The following ADAMTS3 variants were observed in gnomAD, a reference collection of about 807,000 sequenced individuals.
ADAMTS3 encodes the protein A disintegrin and metalloproteinase with thrombospondin motifs 3.
ADAMTS3 carries 73 observed loss-of-function variants against 129.0 expected under a neutral mutation model. That is an observed-to-expected ratio of 0.57 (90% confidence interval 0.47 to 0.69). ADAMTS3 has a LOEUF of 0.69. ADAMTS3 is among the 30% of genes least tolerant of loss of function. The pLI is 0.00. For synonymous variants in ADAMTS3, 477 were observed against 510.8 expected (o/e 0.93, Z 0.89); for missense variants, 1,457 against 1,514.5 (o/e 0.96, Z 0.63).
rs1461006486 is a variant in ADAMTS3 at position 72,306,062 on chromosome 4, G to C, written c.2185C>G (p.Leu729Val). The stretch of plus-strand genomic sequence containing the variant: ...CCAGGGGGTATATCAAACATCTTAA[G>C]GTACCCTTTGCATGTGTAGTAAATA... ...FTRTPRKLGY[L>V]KMFDIPPGAR... Residue 729 changes from leucine (L) to valine (V), a missense_variant, in exon 16 of 22, where the codon CTT becomes GTT. Leu to Val is a conservative substitution (Grantham distance 32). Transcript: ENST00000286657. 2.5e-6 allele frequency: 4 copies of C among 1,600,796 alleles called. No homozygotes were observed. Among genetic ancestry groups the C allele is most frequent in the South Asian group, 2.2e-5 (2 of 88,946 alleles).
intron 3 of ADAMTS3, among the ~76,000 whole-genome samples, chr4:72,461,405 A>C (rs895071747): frequency 6.6e-6 from 1 of 151,702 alleles, no homozygotes; most frequent in Non-Finnish European, 1.5e-5. Flanking sequence ...AATGTGTCAA[A>C]CACCCTCCTT....
chr4:72,442,956 T>A (rs914798025), intron 3 of ADAMTS3, among the ~76,000 whole-genome samples: 1 of 151,734 alleles, frequency 6.6e-6, no homozygotes, highest in African/African-American at 2.4e-5. Context: ...ACTCCAAACC[T>A]CAGCTTTCCC....
In ADAMTS3 at chr4:72,312,441, G is replaced by C; in HGVS notation, c.1771C>G (p.Pro591Ala). Residue 591 changes from proline (P) to alanine (A), a missense_variant, in exon 13 of 22, where the codon CCT (proline) becomes GCT (alanine). Coordinates refer to ENST00000286657, the MANE Select transcript of ADAMTS3 (RefSeq NM_014243.3). ...AGCTGGTACTCAAAATTAACACCAGGACAATCCTGACCACCATTGATGGGC... is the reference window on the plus strand; with the variant it reads ...AGCTGGTACTCAAAATTAACACCAGCACAATCCTGACCACCATTGATGGGC... ...PMPINGGQDC[P>A]GVNFEYQLCN... 6.2e-7 allele frequency: 1 copy of C among 1,613,424 alleles called. No homozygotes were observed. The highest frequency in any genetic ancestry group is 8.5e-7 in the Non-Finnish European group (1 of 1,179,628).
chr4:72,374,388 C>T, intron 4 of ADAMTS3, among the ~76,000 whole-genome samples: 1 of 151,786 alleles, frequency 6.6e-6, no homozygotes, highest in Non-Finnish European at 1.5e-5. Context: ...AAGCTGCTAA[C>T]CCAGAAGCAA....
intron 3 of ADAMTS3, among the ~76,000 whole-genome samples, chr4:72,479,570 A>T (rs1199255515): frequency 1.1e-4 from 16 of 152,214 alleles, no homozygotes. Context: ...CTTAAACGTT[A>T]GACCTAAAAC....
At chr4:72,463,682 T>C (rs1718837401) in intron 3 of ADAMTS3, among the ~76,000 whole-genome samples, 1 of 128,670 alleles carries the variant, frequency 7.8e-6, no homozygotes, top group African/African-American at 2.9e-5. Flanking sequence ...AAATCTTTTT[T>C]GGATACTAAA....
chr4:72,439,694 G>T (rs1467366599), intron 3 of ADAMTS3, among the ~76,000 whole-genome samples: 2 of 151,618 alleles, frequency 1.3e-5, no homozygotes, highest in Admixed American at 1.3e-4. Flanking sequence ...ATTGGCAACA[G>T]ACATTCATTT....
rs2109760451 is a variant in ADAMTS3 at position 72,283,028 on chromosome 4, T to G, written c.*108A>C. 1.1e-6 allele frequency: 1 copy of G among 941,040 alleles called. No individual in the cohort carries two copies. Among genetic ancestry groups the G allele is most frequent in the Non-Finnish European group, 1.6e-6 (1 of 626,996 alleles). 58.3% of individuals were successfully genotyped at this position (941,040 alleles called of 1,614,324 possible). The stretch of plus-strand genomic sequence containing the variant: ...TCTGTTCTTCCAATTACAGATAAAA[T>G]GAGCTGACGATCTATAGAGATTTCC... On this transcript the variant is annotated 3_prime_UTR_variant, in exon 22 of 22. Transcript: ENST00000286657.
chr4:72,498,435 T>TA (rs962333263), intron 3 of ADAMTS3, among the ~76,000 whole-genome samples: 72 of 151,766 alleles, frequency 4.7e-4, no homozygotes, highest in African/African-American at 1.5e-3. Flanking sequence ...GAAAAGCCTG[T>TA]AAAAAAAAGA....
chr4:72,373,166 G>T (rs1721053415), intron 4 of ADAMTS3, among the ~76,000 whole-genome samples: 1 of 152,094 alleles, frequency 6.6e-6, no homozygotes, highest in Non-Finnish European at 1.5e-5. Context: ...CATAGCACAG[G>T]TTTGAACAAC....
At position 72,518,036 on chromosome 4, in the gene ADAMTS3, G is replaced by A. The variant is rs377418180; in HGVS notation, c.504+30442C>T. Among the ~76,000 whole-genome samples, 132 of 152,000 alleles carry A rather than the reference G, an allele frequency of 8.7e-4. 2 individuals carry two copies. In the East Asian group the frequency reaches 0.021, roughly 24 times the overall value. The stretch of plus-strand genomic sequence containing the variant: ...TGTCCCAGAGATTCTGGTATGTTGC[G>A]TCTTTGTTCTCGTTGGTTTCAAAGA... On this transcript the variant is annotated intron_variant, in intron 3 of 21. Transcript: ENST00000286657.
At chr4:72,382,914 G>A (rs916127467) in intron 4 of ADAMTS3, among the ~76,000 whole-genome samples, 4 of 152,016 alleles carry the variant, frequency 2.6e-5, no homozygotes, top group East Asian at 3.9e-4. Flanking sequence ...CAAAACTACC[G>A]GTTAGGTACC....
intron 20 of ADAMTS3, among the ~76,000 whole-genome samples, chr4:72,289,670 G>A (rs1718607718): frequency 2.0e-5 from 3 of 152,120 alleles, no homozygotes; most frequent in Non-Finnish European, 4.4e-5. Context: ...TAAGAGGTGG[G>A]ACCTTTCTGA....
chr4:72,482,708 TATA>T (rs752216561), intron 3 of ADAMTS3, among the ~76,000 whole-genome samples: 13 of 152,152 alleles, frequency 8.5e-5, no homozygotes, highest in Non-Finnish European at 1.5e-4. Flanking sequence ...CAACAGAATC[TATA>T]ACTATCTCAA....
At chr4:72,497,532 AT>A (rs1193192003) in intron 3 of ADAMTS3, among the ~76,000 whole-genome samples, 2 of 151,510 alleles carry the variant, frequency 1.3e-5, no homozygotes, top group African/African-American at 4.8e-5. Flanking sequence ...TATTAAAAAT[AT>A]TTTATCAAAA....
At chr4:72,547,672 T>C (rs142673303) in intron 3 of ADAMTS3, among the ~76,000 whole-genome samples, 1 of 152,142 alleles carries the variant, frequency 6.6e-6, no homozygotes. Flanking sequence ...TTTTAGTACA[T>C]ATAAAATAAA....
At position 72,430,172 on chromosome 4, in the gene ADAMTS3, T is replaced by TCCCTC. The variant is rs527398931; in HGVS notation, c.505-15206_505-15202dup. On this transcript the variant is annotated intron_variant, in intron 3 of 21. Transcript: ENST00000286657. ...GATTTTCCAAGTGTGACCTTGGCACTCCCTCATCAAGAGATAGAGTTTAAT... is the reference window on the plus strand; with the variant it reads ...GATTTTCCAAGTGTGACCTTGGCACTCCCTCCCCTCATCAAGAGATAGAGTTTAAT... Among the ~76,000 whole-genome samples, 1,106 of 152,184 alleles carry TCCCTC rather than the reference T, an allele frequency of 7.3e-3. 4 individuals are homozygous for TCCCTC. Among genetic ancestry groups the TCCCTC allele is most frequent in the Non-Finnish European group, 0.012 (788 of 67,988 alleles).
chr4:72,281,048 A>G lies in ADAMTS3; in HGVS notation c.*2088T>C, dbSNP rs1253614054. On this transcript the variant is annotated 3_prime_UTR_variant, in exon 22 of 22. Coordinates refer to ENST00000286657, the MANE Select transcript of ADAMTS3 (RefSeq NM_014243.3). ...AGTAGTGTACACTTTGATAAAAAGG[A>G]ATTTTTAGCTTAGTAGAAAAGAAAG... 6.6e-6 allele frequency: 1 copy of G among 152,618 alleles called. No homozygotes were observed. Among genetic ancestry groups the G allele is most frequent in the African/African-American group, 2.4e-5 (1 of 41,444 alleles). 9.5% of individuals were successfully genotyped at this position (152,618 alleles called of 1,614,324 possible).
chr4:72,321,346 T>TG (rs1719550725), intron 6 of ADAMTS3, among the ~76,000 whole-genome samples: 1 of 99,324 alleles, frequency 1.0e-5, no homozygotes, highest in South Asian at 6.2e-4. Flanking sequence ...TTTTTTTTTG[T>TG]TTTTTTTTGT....
Sources: gnomAD v4.1 joint callset for allele counts (sites outside exome capture counted in the v4.1 genomes callset) on GRCh38, gnomAD v4.1.1 for gene constraint, MANE v1.5 for transcripts, NCBI Gene and HGNC (gene_info 2026-07-23, HGNC 2026-07-21) for gene names.